The following PRMT8 variants were observed in gnomAD, a reference collection of about 807,000 sequenced individuals.
PRMT8 encodes protein arginine methyltransferase 8.
In PRMT8, 7 loss-of-function variants were observed where a neutral mutation model predicts 47.1. The observed-to-expected ratio is 0.15, with a 90% confidence interval of 0.08 to 0.28. PRMT8 has a LOEUF of 0.28. Among genes scored for constraint, PRMT8 ranks in the 10% least tolerant of loss-of-function variants. The pLI is 1.00. For missense variants in PRMT8, 237 were observed against 505.4 expected (o/e 0.47, Z 5.09); for synonymous variants, 188 against 186.5 (o/e 1.01, Z -0.07).
chr12:3,554,412 G>C (rs1045244927), intron 4 of PRMT8, among the ~76,000 whole-genome samples: 2 of 152,230 alleles, frequency 1.3e-5, no homozygotes, highest in African/African-American at 4.8e-5. Context: ...TCAGTGCTGG[G>C]GAGAACATCA....
At chr12:3,470,528 G>A (rs1012466518) in intron 1 of PRMT8, among the ~76,000 whole-genome samples, 2 of 152,146 alleles carry the variant, frequency 1.3e-5, no homozygotes, top group South Asian at 2.1e-4. Flanking sequence ...GTCCCTCCAG[G>A]GCCTCACTGT....
intron 1 of PRMT8, 94 bp from the exon 2 acceptor site, chr12:3,540,512 G>T: frequency 2.4e-6 from 2 of 842,414 alleles, no homozygotes; most frequent in Non-Finnish European, 3.9e-6. Context: ...CTTGAGGCCG[G>T]GCTCAGGGAG....
chr12:3,549,114 G>A (rs1279796097), intron 2 of PRMT8, among the ~76,000 whole-genome samples: 1 of 152,156 alleles, frequency 6.6e-6, no homozygotes, highest in Non-Finnish European at 1.5e-5. Context: ...CATCTTGGGA[G>A]AGGCTGAAGA....
chr12:3,537,267 A>T (rs1203083183), intron 1 of PRMT8, among the ~76,000 whole-genome samples: 1 of 152,204 alleles, frequency 6.6e-6, no homozygotes, highest in Non-Finnish European at 1.5e-5. Context: ...ATTTCTAATG[A>T]GGTTAAACAT....
At chr12:3,406,648 T>A (rs1178757898) in intron 1 of PRMT8, among the ~76,000 whole-genome samples, 1 of 152,170 alleles carries the variant, frequency 6.6e-6, no homozygotes, top group Non-Finnish European at 1.5e-5. Flanking sequence ...TTGCTCCAGT[T>A]CCCAAGAAGT....
At chr12:3,451,429 G>A (rs1053086848) in intron 1 of PRMT8, among the ~76,000 whole-genome samples, 2 of 152,172 alleles carry the variant, frequency 1.3e-5, no homozygotes, top group African/African-American at 2.4e-5. Context: ...TCTGTAGAGC[G>A]TCTAACACAC....
chr12:3,382,987 T>C (rs1201233405), intron 1 of PRMT8, among the ~76,000 whole-genome samples: 1 of 152,234 alleles, frequency 6.6e-6, no homozygotes, highest in East Asian at 1.9e-4. Flanking sequence ...TGAATTACTT[T>C]TGTAGCTTTT....
At chr12:3,462,389 A>T (rs1865051695) in intron 1 of PRMT8, among the ~76,000 whole-genome samples, 1 of 152,082 alleles carries the variant, frequency 6.6e-6, no homozygotes, top group Admixed American at 6.5e-5. Flanking sequence ...GTGGGCTGGT[A>T]CTGGGTTGTT....
At chr12:3,551,173 G>A (rs1201114712) in intron 3 of PRMT8, 1 of 149,976 alleles carries the variant, frequency 6.7e-6, no homozygotes, top group Admixed American at 6.7e-5. Context: ...TCACCCAGCA[G>A]GGCAGCATTC....
rs2137207294 is a variant in PRMT8 at position 3,569,347 on chromosome 12, G to T, written c.625-130G>T. 6.3e-6 allele frequency: 5 copies of T among 799,680 alleles called. No individual in the cohort carries two copies. The South Asian group carries it at 7.3e-5, about 12-fold the overall frequency. The allele number at this position is 799,680 out of a possible 1,614,324, so 49.5% of individuals were successfully genotyped here. On this transcript the variant is annotated intron_variant, in intron 5 of 9. Coordinates refer to ENST00000382622, the MANE Select transcript of PRMT8 (RefSeq NM_019854.5). The surrounding 1 kb of genome is among the most constrained non-coding windows in gnomAD (Gnocchi z 8.2). ...TGTCCTAGCCCTCACCCCAGACAAG[G>T]TGACAGTCCACTGCATGAGAGATGG...
intron 1 of PRMT8, among the ~76,000 whole-genome samples, chr12:3,506,204 G>T (rs1452098545): frequency 1.3e-5 from 2 of 152,178 alleles, no homozygotes; most frequent in East Asian, 1.9e-4. Context: ...TGTATGGGTA[G>T]TGGTGCATTA....
At chr12:3,407,017 T>A (rs1257644174) in intron 1 of PRMT8, among the ~76,000 whole-genome samples, 1 of 152,212 alleles carries the variant, frequency 6.6e-6, no homozygotes, top group Non-Finnish European at 1.5e-5. Context: ...GAAAGAGGTT[T>A]AATTAACTCA....
rs1255222079 is a variant in PRMT8 at position 3,576,241 on chromosome 12, C to T, written c.713-630C>T. ...AGTGCATCTTGGCATACAAGGAAGG[C>T]AGAGATGCTCCTGGACCCACCCAGG... is the stretch of plus-strand genomic sequence containing the variant. On this transcript the variant is annotated intron_variant, in intron 6 of 9. Transcript: ENST00000382622. This position sits in a 1 kb window ranked among gnomAD's most constrained non-coding sequence, Gnocchi z 4.0. Among the ~76,000 whole-genome samples, 4 of 152,304 alleles carry T rather than the reference C, an allele frequency of 2.6e-5. No individual in the cohort carries two copies. The South Asian group carries it at 8.3e-4, about 32-fold the overall frequency.
intron 1 of PRMT8, among the ~76,000 whole-genome samples, chr12:3,484,879 A>G (rs1865307240): frequency 6.6e-6 from 1 of 152,178 alleles, no homozygotes; most frequent in African/African-American, 2.4e-5. Context: ...TTTAAAAGGG[A>G]GTCAAACAAG....
intron 1 of PRMT8, among the ~76,000 whole-genome samples, chr12:3,460,308 A>G (rs1684378551): frequency 6.6e-6 from 1 of 152,176 alleles, no homozygotes; most frequent in African/African-American, 2.4e-5. Context: ...GTCTTCTTTT[A>G]AAGAGTCAAG....
At chr12:3,388,883 T>A (rs991705883) in intron 1 of PRMT8, among the ~76,000 whole-genome samples, 1 of 152,208 alleles carries the variant, frequency 6.6e-6, no homozygotes, top group African/African-American at 2.4e-5. Context: ...GCACTTTTTT[T>A]CCCCAAAGCC....
chr12:3,489,807 TCACACACA>T (rs59257723), upstream of PRMT8, among the ~76,000 whole-genome samples: 23 of 144,200 alleles, frequency 1.6e-4, no homozygotes, highest in Middle Eastern at 3.8e-3. Context: ...ATTCAAGTTT[TCACACACA>T]CACACACACA....
chr12:3,544,556 C>G (rs929826973), intron 2 of PRMT8, among the ~76,000 whole-genome samples: 1 of 152,124 alleles, frequency 6.6e-6, no homozygotes, highest in African/African-American at 2.4e-5. Context: ...AGTGGGGGAC[C>G]GCCTAATGCC....
chr12:3,490,604 A>G (rs1326431880), upstream of PRMT8, among the ~76,000 whole-genome samples: 1 of 142,476 alleles, frequency 7.0e-6, no homozygotes, highest in Non-Finnish European at 1.5e-5. Context: ...TTCCCAAGCC[A>G]CTCTGGCCGC....
Sources: allele counts gnomAD v4.1 joint callset (sites outside exome capture counted in the v4.1 genomes callset), GRCh38; gene constraint gnomAD v4.1.1; non-coding constraint Gnocchi (gnomAD v3.1); transcripts MANE v1.5; gene names NCBI Gene and HGNC (gene_info 2026-07-23, HGNC 2026-07-21).